Variants in ARL6IP6 observed in about 807,000 individuals in gnomAD.
ARL6IP6 encodes the protein ADP-ribosylation factor-like protein 6-interacting protein 6.
A neutral mutation model predicts 21.5 loss-of-function variants in ARL6IP6; 22 were observed. The ratio of observed to expected loss-of-function variants is 1.02; its 90% CI spans 0.73 to 1.46. The LOEUF is 1.46. ARL6IP6 is among the 40% of genes most tolerant of loss of function. The probability of loss-of-function intolerance (pLI) is 0.00; values close to 1 mark genes in which losing one functional copy is unlikely to be tolerated. For missense variants in ARL6IP6, 388 were observed against 299.8 expected (o/e 1.29, Z -2.17); for synonymous variants, 164 against 125.3 (o/e 1.31, Z -2.06).
rs955878495 is a variant in ARL6IP6, at chr2:152,760,686, A to C, written c.*846A>C. The C allele has an allele frequency of 6.6e-6, 1 of 152,056 alleles. No individual in the cohort carries two copies. Among genetic ancestry groups the C allele is most frequent in the Non-Finnish European group, 1.5e-5 (1 of 67,962 alleles). The allele number at this position is 152,056 out of a possible 1,614,324, so 9.4% of individuals were successfully genotyped here. ...TTACTATTTCTGTTTCCACAATTCC[A>C]AATATTTATCTTGGTGTATATATTG... On this transcript the variant is annotated 3_prime_UTR_variant, in exon 4 of 4. Transcript: ENST00000326446.
At chr2:152,726,909 A>AT in intron 2 of ARL6IP6, among the ~76,000 whole-genome samples, 1 of 152,364 alleles carries the variant, frequency 6.6e-6, no homozygotes, top group South Asian at 2.1e-4. Context: ...CCTTCCAGTC[A>AT]TAAAAAAAAA....
intron 2 of ARL6IP6, among the ~76,000 whole-genome samples, chr2:152,732,116 T>A (rs1015727985): frequency 3.3e-5 from 5 of 151,940 alleles, no homozygotes; most frequent in Admixed American, 3.3e-4. Context: ...ATATACATCA[T>A]TTTATACAGG....
intron 3 of ARL6IP6, among the ~76,000 whole-genome samples, chr2:152,746,821 CTTT>C (rs61506535): frequency 6.0e-5 from 2 of 33,082 alleles, no homozygotes; most frequent in African/African-American, 1.4e-4. Flanking sequence ...TTTATCCTTT[CTTT>C]TTTTTTTTTT....
At chr2:152,759,626 A>G (rs1359085439) in intron 3 of ARL6IP6, 121 bp from the exon 4 acceptor site, 3 of 709,730 alleles carry the variant, frequency 4.2e-6, no homozygotes, top group Non-Finnish European at 7.2e-6. Context: ...TTTTGTATTC[A>G]TATGTGAACA....
intron 2 of ARL6IP6, among the ~76,000 whole-genome samples, chr2:152,731,277 T>C (rs1006060512): frequency 2.0e-5 from 3 of 152,224 alleles, no homozygotes; most frequent in Non-Finnish European, 4.4e-5. Context: ...TCAGGAGATA[T>C]AATTTACCAC....
intron 1 of ARL6IP6, among the ~76,000 whole-genome samples, chr2:152,719,554 C>A (rs565021020): frequency 6.6e-6 from 1 of 152,108 alleles, no homozygotes; most frequent in African/African-American, 2.4e-5. Flanking sequence ...GCACGGAGTT[C>A]TGTTGCAGAA....
chr2:152,762,134 C>T lies in ARL6IP6; in HGVS notation c.*2294C>T. On this transcript the variant is annotated 3_prime_UTR_variant, in exon 4 of 4. Transcript: ENST00000326446. ...ATCCTAATCTCATTTTGCCTGGCTA[C>T]AATGAGTAGAATAGAGAAATGACTT... is the stretch of plus-strand genomic sequence containing the variant. Among the ~76,000 whole-genome samples the T allele has an allele frequency of 6.7e-6, 1 of 148,152 alleles. No individual in the cohort carries two copies. The highest frequency in any genetic ancestry group is 1.9e-4 in the East Asian group (1 of 5,172).
intron 2 of ARL6IP6, among the ~76,000 whole-genome samples, chr2:152,726,627 A>AT (rs1259151615): frequency 6.6e-6 from 1 of 152,262 alleles, no homozygotes; most frequent in East Asian, 1.9e-4. Context: ...TTTCATGCAT[A>AT]TGATACATCT....
chr2:152,721,640 T>G (rs1699794950), intron 2 of ARL6IP6, among the ~76,000 whole-genome samples: 1 of 152,256 alleles, frequency 6.6e-6, no homozygotes, highest in African/African-American at 2.4e-5. Context: ...CACTTTAAAT[T>G]AAATCATTTG....
intron 3 of ARL6IP6, among the ~76,000 whole-genome samples, chr2:152,747,916 G>A (rs910697852): frequency 8.6e-5 from 13 of 151,854 alleles, no homozygotes; most frequent in African/African-American, 1.2e-4. Flanking sequence ...GCTCAGGCTG[G>A]TCTGGAATCC....
chr2:152,729,007 G>A (rs1378959150), intron 2 of ARL6IP6, among the ~76,000 whole-genome samples: 5 of 149,208 alleles, frequency 3.4e-5, no homozygotes, highest in Admixed American at 2.0e-4. Flanking sequence ...GCAGTGAGCC[G>A]AGATTGCGCC....
At chr2:152,728,761 A>G (rs1189864097) in intron 2 of ARL6IP6, among the ~76,000 whole-genome samples, 1 of 152,172 alleles carries the variant, frequency 6.6e-6, no homozygotes, top group Non-Finnish European at 1.5e-5. Flanking sequence ...GGAAAAGATT[A>G]GTATACATCA....
rs965097221 is a variant in ARL6IP6, at chr2:152,726,933, C to T, written c.454+6347C>T. Among the ~76,000 whole-genome samples the T allele has an allele frequency of 1.1e-4, 16 of 152,198 alleles. 2 individuals carry two copies. Among genetic ancestry groups the T allele is most frequent in the African/African-American group, 1.4e-4 (6 of 41,546 alleles). On this transcript the variant is annotated intron_variant, in intron 2 of 3. Transcript: ENST00000326446. ...CATAAAAAAAAATACAGCACAATTA[C>T]GTGCAGTACATAACATAATTCTTGA...
intron 3 of ARL6IP6, among the ~76,000 whole-genome samples, chr2:152,749,034 T>A (rs181382137): frequency 6.6e-6 from 1 of 152,216 alleles, no homozygotes; most frequent in Non-Finnish European, 1.5e-5. Flanking sequence ...CTTCAAAATA[T>A]AAGAATGTAG....
chr2:152,750,026 C>G (rs1047307787), intron 3 of ARL6IP6, among the ~76,000 whole-genome samples: 1 of 152,170 alleles, frequency 6.6e-6, no homozygotes, highest in African/African-American at 2.4e-5. Flanking sequence ...CCTTAATTGA[C>G]TCTTTGGGAC....
chr2:152,721,511 A>G (rs533621473), intron 2 of ARL6IP6, among the ~76,000 whole-genome samples: 20 of 152,352 alleles, frequency 1.3e-4, no homozygotes, highest in African/African-American at 4.3e-4. Flanking sequence ...GAAGAGTTGA[A>G]AACTTTACCT....
intron 2 of ARL6IP6, among the ~76,000 whole-genome samples, chr2:152,733,225 G>A (rs944997913): frequency 4.0e-5 from 6 of 151,860 alleles, no homozygotes; most frequent in African/African-American, 1.5e-4. Context: ...ATCTATTTGG[G>A]CCTTCTTCCG....
chr2:152,719,895 C>T (rs192595973), intron 1 of ARL6IP6: 1 of 469,712 alleles, frequency 2.1e-6, no homozygotes, highest in Admixed American at 2.4e-5. Flanking sequence ...CATTGCTTCC[C>T]AGCGTTTAGT....
chr2:152,725,358 A>G (rs1324931562), intron 2 of ARL6IP6, among the ~76,000 whole-genome samples: 3 of 152,162 alleles, frequency 2.0e-5, no homozygotes, highest in African/African-American at 7.2e-5. Flanking sequence ...TTCCAGTAAG[A>G]CTTTCCTAAG....
Sources: gnomAD v4.1 joint callset for allele counts (sites outside exome capture counted in the v4.1 genomes callset) on GRCh38, gnomAD v4.1.1 for gene constraint, MANE v1.5 for transcripts, NCBI Gene and HGNC (gene_info 2026-07-23, HGNC 2026-07-21) for gene names.